CCDC148: variants seen among roughly 807,000 people sequenced by gnomAD.
CCDC148 encodes coiled-coil domain containing 148.
Under a neutral mutation model 85.7 loss-of-function variants are expected in CCDC148, and 89 were observed. The ratio of observed to expected loss-of-function variants is 1.04; its 90% CI spans 0.87 to 1.24. The LOEUF (loss-of-function observed/expected upper bound fraction) is 1.24. Ranked by LOEUF, CCDC148 falls within the 50% of genes most tolerant of loss-of-function variation. CCDC148 has a pLI of 0.00. For missense variants in CCDC148, 692 were observed against 671.7 expected (o/e 1.03, Z -0.33); for synonymous variants, 230 against 213.9 (o/e 1.08, Z -0.66).
At chr2:158,276,061 T>C (rs984295326) in intron 9 of CCDC148, among the ~76,000 whole-genome samples, 8 of 152,218 alleles carry the variant, frequency 5.3e-5, no homozygotes, top group Admixed American at 2.0e-4. Context: ...TATGTGGTTC[T>C]AAGTTATTTA....
chr2:158,239,926 A>T (rs894487073), intron 10 of CCDC148, among the ~76,000 whole-genome samples: 1 of 152,010 alleles, frequency 6.6e-6, no homozygotes, highest in African/African-American at 2.4e-5. Context: ...GCAGTACTCC[A>T]TCAGATTCCC....
In CCDC148 at chr2:158,407,977, T is replaced by C. The variant is rs554997726; in HGVS notation, c.25+48438A>G. 1.1e-4 allele frequency among the ~76,000 whole-genome samples: 16 copies of C among 152,310 alleles called. No individual in the cohort carries two copies. The South Asian group carries it at 3.1e-3, about 30-fold the overall frequency. The stretch of plus-strand genomic sequence containing the variant: ...AAGTACAAATTCTAAATTCTTTGAA[T>C]AAATATAAAAATGGTCCATTCATTG... On this transcript the variant is annotated intron_variant, in intron 1 of 13. Transcript: ENST00000283233.
chr2:158,383,428 T>C (rs753103690), intron 1 of CCDC148, among the ~76,000 whole-genome samples: 25 of 152,088 alleles, frequency 1.6e-4, no homozygotes, highest in Non-Finnish European at 2.5e-4. Flanking sequence ...TAAAAGTGTA[T>C]ATATGTGTGT....
At position 158,340,241 on chromosome 2, in the gene CCDC148, C is replaced by T. The variant is rs374582185; in HGVS notation, c.486+1G>A. The T allele has an allele frequency of 1.1e-5, 18 of 1,613,044 alleles. No homozygotes were observed. Among genetic ancestry groups the T allele is most frequent in the Non-Finnish European group, 1.5e-5 (18 of 1,179,592 alleles). The stretch of plus-strand genomic sequence containing the variant: ...ATGGAAAATAAAGGTAACATACTAA[C>T]CTCTTCCAATACTTTCATGGAGTTA... On this transcript the variant is annotated splice_donor_variant, in intron 5 of 13. Transcript: ENST00000283233. LOFTEE classifies it high-confidence loss of function.
intron 10 of CCDC148, among the ~76,000 whole-genome samples, chr2:158,230,234 T>C (rs1265486671): frequency 6.6e-6 from 1 of 152,154 alleles, no homozygotes; most frequent in Non-Finnish European, 1.5e-5. Context: ...GGGAGACAGA[T>C]AGTAAATGAA....
intron 2 of CCDC148, among the ~76,000 whole-genome samples, 192 bp from the exon 3 acceptor site, chr2:158,345,510 T>C (rs1682952720): frequency 6.6e-6 from 1 of 152,212 alleles, no homozygotes; most frequent in African/African-American, 2.4e-5. Context: ...AGAAAAATGG[T>C]TGGGAATACT....
chr2:158,437,031 C>A (rs2105338456), intron 1 of CCDC148, among the ~76,000 whole-genome samples: 1 of 152,290 alleles, frequency 6.6e-6, no homozygotes, highest in Non-Finnish European at 1.5e-5. Context: ...GATTCACAGA[C>A]AAATTCTAGC....
At chr2:158,348,325 T>C (rs78405138) in intron 2 of CCDC148, among the ~76,000 whole-genome samples, 3,457 of 152,038 alleles carry the variant, frequency 0.023, 49 homozygotes, top group South Asian at 0.052. Context: ...CAGAAAAACA[T>C]GTTGAATGAC....
rs777356867 is a variant in CCDC148, at chr2:158,323,919, C to CTTTTTTTTTTTT, written c.765-10037_765-10026dup. Among the ~76,000 whole-genome samples, 157 of 82,968 alleles carry CTTTTTTTTTTTT rather than the reference C, an allele frequency of 1.9e-3. 10 individuals carry two copies. Among genetic ancestry groups the CTTTTTTTTTTTT allele is most frequent in the Non-Finnish European group, 3.4e-3 (140 of 41,612 alleles). The allele number at this position is 82,968 out of a possible 152,430, so 54.4% of individuals were successfully genotyped here. A position where few individuals can be genotyped will look rare whatever the true frequency, so the allele number is the denominator to read the frequency against. On this transcript the variant is annotated intron_variant, in intron 7 of 13. Coordinates refer to ENST00000283233, the MANE Select transcript of CCDC148 (RefSeq NM_138803.4). The stretch of plus-strand genomic sequence containing the variant: ...GTCTAATTTCACCACCTGGGAATAA[C>CTTTTTTTTTTTT]TTTTTTTTTTTTTTTTTTTTTTTTT...
intron 1 of CCDC148, among the ~76,000 whole-genome samples, chr2:158,417,116 A>G (rs926659573): frequency 3.9e-5 from 6 of 152,206 alleles, no homozygotes; most frequent in Admixed American, 2.6e-4. Flanking sequence ...TCATGACCCA[A>G]TTACTTTTTA....
intron 9 of CCDC148, among the ~76,000 whole-genome samples, chr2:158,291,440 A>T (rs1207965297): frequency 6.6e-6 from 1 of 152,144 alleles, no homozygotes; most frequent in Non-Finnish European, 1.5e-5. Context: ...AGAACCACTG[A>T]ACTGCTTTTG....
chr2:158,385,760 T>G lies in CCDC148; in HGVS notation c.26-27190A>C, dbSNP rs1685059699. Among the ~76,000 whole-genome samples, 6 of 152,246 alleles carry G rather than the reference T, an allele frequency of 3.9e-5. No individual in the cohort carries two copies. The South Asian group carries it at 1.2e-3, about 32-fold the overall frequency. ...TAGGTCAAACAAGGCTTCTGGCAAC[T>G]TCTTGGGGAGCCCCAGCCTTCTTCC... On this transcript the variant is annotated intron_variant, in intron 1 of 13. Coordinates refer to ENST00000283233, the MANE Select transcript of CCDC148 (RefSeq NM_138803.4).
At chr2:158,267,093 A>C (rs1414397965) in intron 9 of CCDC148, among the ~76,000 whole-genome samples, 1 of 151,956 alleles carries the variant, frequency 6.6e-6, no homozygotes, top group Admixed American at 6.6e-5. Flanking sequence ...CTCCCGAACT[A>C]GATAAAACTC....
At chr2:158,277,677 A>G (rs1460306588) in intron 9 of CCDC148, among the ~76,000 whole-genome samples, 2 of 151,758 alleles carry the variant, frequency 1.3e-5, no homozygotes, top group Non-Finnish European at 2.9e-5. Context: ...CCTCACTGTA[A>G]GCTCCACCTC....
intron 5 of CCDC148, among the ~76,000 whole-genome samples, chr2:158,339,979 G>C (rs1417558740): frequency 1.3e-5 from 2 of 152,196 alleles, no homozygotes; most frequent in Non-Finnish European, 2.9e-5. Context: ...GATGCATTGG[G>C]AGGAGAGGCA....
chr2:158,286,666 A>G (rs1033508988), intron 9 of CCDC148, among the ~76,000 whole-genome samples: 1 of 152,216 alleles, frequency 6.6e-6, no homozygotes, highest in East Asian at 1.9e-4. Context: ...ATAAAATGGA[A>G]TGGAGGGTTC....
rs1203729505 is a variant in CCDC148 at position 158,438,869 on chromosome 2, GA to G, written c.25+17545del. ...ACATTTATGCAGCCAACAGACACAT[GA>G]AAAAATGCTCATCATCACTGGCCAT... On this transcript the variant is annotated intron_variant, in intron 1 of 13. Transcript: ENST00000283233. 5.3e-5 allele frequency among the ~76,000 whole-genome samples: 8 copies of G among 152,240 alleles called. No homozygotes were observed. The South Asian group carries it at 1.5e-3, about 28-fold the overall frequency.
chr2:158,175,230 C>T (rs919546962), intron 13 of CCDC148, among the ~76,000 whole-genome samples: 3 of 152,040 alleles, frequency 2.0e-5, no homozygotes, highest in African/African-American at 7.2e-5. Flanking sequence ...TGATTTCAAT[C>T]CTTTCAAGCC....
intron 10 of CCDC148, among the ~76,000 whole-genome samples, chr2:158,239,727 T>C (rs1688267813): frequency 1.3e-5 from 2 of 152,162 alleles, no homozygotes; most frequent in South Asian, 4.1e-4. Context: ...CCTATTCTAC[T>C]TAATTTCTTC....
Sources: gnomAD v4.1 joint callset for allele counts (sites outside exome capture counted in the v4.1 genomes callset) on GRCh38, gnomAD v4.1.1 for gene constraint, MANE v1.5 for transcripts, NCBI Gene and HGNC (gene_info 2026-07-23, HGNC 2026-07-21) for gene names.